Variants in PDPN observed in about 807,000 individuals in gnomAD.
PDPN encodes the protein PA2.26 antigen.
A neutral mutation model predicts 23.2 loss-of-function variants in PDPN; 12 were observed. The ratio of observed to expected loss-of-function variants is 0.52; its 90% CI spans 0.33 to 0.84. The LOEUF is 0.84. Ranked by LOEUF, PDPN falls within the 40% of genes least tolerant of loss-of-function variation. PDPN has a pLI of 0.02. For missense variants in PDPN, 199 were observed against 212.2 expected, an observed-to-expected ratio of 0.94 and a Z score of 0.39; for synonymous variants, 77 against 76.7, an observed-to-expected ratio of 1.00 and a Z score of -0.02.
intron 1 of PDPN, among the ~76,000 whole-genome samples, chr1:13,598,069 TG>T (rs1210921716): frequency 7.9e-5 from 12 of 151,984 alleles, no homozygotes; most frequent in African/African-American, 2.9e-4. Flanking sequence ...CAGGCTGGAG[TG>T]CGTGGCACTA....
intron 5 of PDPN, chr1:13,614,731 G>A: frequency 2.2e-6 from 1 of 452,060 alleles, no homozygotes; most frequent in South Asian, 1.6e-5. Context: ...AGGCTGCAGT[G>A]AGCTATGATT....
intron 1 of PDPN, among the ~76,000 whole-genome samples, chr1:13,587,325 C>T (rs1158113405): frequency 1.3e-5 from 2 of 152,192 alleles, no homozygotes; most frequent in Admixed American, 6.5e-5. Context: ...GAGAGAGGCA[C>T]ACCTCACATG....
chr1:13,607,284 A>G lies in PDPN; in HGVS notation c.179A>G (p.Tyr60Cys), dbSNP rs150621747. 2.3e-5 allele frequency: 37 copies of G among 1,614,032 alleles called. No individual in the cohort carries two copies. Among genetic ancestry groups the G allele is most frequent in the South Asian group, 1.1e-4 (10 of 91,086 alleles). Residue 60 changes from tyrosine to cysteine, a missense_variant, in exon 2 of 6, where the codon TAT becomes TGT. Transcript: ENST00000621990. ...ACTCCAGGAACCAGCGAAGACCGCT[A>G]TAAGTCTGGCTTGACAACTCTGGTC... ...VVTPGTSEDR[Y>C]KSGLTTLVAT...
chr1:13,590,920 A>G (rs887799838), intron 1 of PDPN, among the ~76,000 whole-genome samples: 2 of 152,068 alleles, frequency 1.3e-5, no homozygotes, highest in East Asian at 3.9e-4. Context: ...TGGTGACAAC[A>G]GAAAGCGAGA....
chr1:13,601,701 G>T (rs1003942179), intron 1 of PDPN, among the ~76,000 whole-genome samples: 2 of 152,214 alleles, frequency 1.3e-5, no homozygotes, highest in African/African-American at 4.8e-5. Context: ...ATGACAGCTG[G>T]TTTTGAAGCA....
chr1:13,593,910 A>G (rs567101075), intron 1 of PDPN, among the ~76,000 whole-genome samples: 9 of 152,362 alleles, frequency 5.9e-5, no homozygotes, highest in Middle Eastern at 3.4e-3. Context: ...AGTTTATTAC[A>G]GAGCTGTGAT....
intron 1 of PDPN, among the ~76,000 whole-genome samples, chr1:13,600,373 T>C (rs1403334419): frequency 1.4e-5 from 2 of 146,024 alleles, no homozygotes; most frequent in African/African-American, 2.5e-5. Context: ...ACTTAACTCT[T>C]TTTTTTTTTT....
Position 13,614,343 on chromosome 1 carries a change from CT to C in PDPN, c.416del (p.Leu139TyrfsTer2). Reference protein sequence around the residue: ...VTLVGIIVGVLLAIGFIGAII... With the variant: ...VTLVGIIVGVXLAIGFIGAII... The stretch of plus-strand genomic sequence containing the variant: ...CCCTGGTTGGAATCATAGTTGGGGT[CT>C]TACTAGCCATCGGCTTCATTGGTGC... On this transcript the variant is annotated frameshift_variant, in exon 5 of 6. Coordinates refer to ENST00000621990, the MANE Select transcript of PDPN (RefSeq NM_006474.5). LOFTEE classifies it high-confidence loss of function. 1 of 1,609,480 alleles carries C rather than the reference CT, an allele frequency of 6.2e-7. No homozygotes were observed.
chr1:13,599,011 C>CTT (rs35244657), intron 1 of PDPN, among the ~76,000 whole-genome samples: 1,359 of 127,028 alleles, frequency 0.011, 41 homozygotes, highest in African/African-American at 0.035. Flanking sequence ...GCCCCCCCTC[C>CTT]TTTTTTTTTT....
At chr1:13,603,840 A>G (rs929969943) in intron 1 of PDPN, among the ~76,000 whole-genome samples, 2 of 151,692 alleles carry the variant, frequency 1.3e-5, no homozygotes, top group African/African-American at 2.4e-5. Flanking sequence ...ACCCACCTCC[A>G]CCTCCCAAAG....
chr1:13,598,318 G>A (rs1422704801), intron 1 of PDPN, among the ~76,000 whole-genome samples: 3 of 151,944 alleles, frequency 2.0e-5, no homozygotes, highest in Admixed American at 6.6e-5. Context: ...TGCCTGTCCC[G>A]CATTTATTTC....
rs987700958 is a variant in PDPN, at chr1:13,616,868, A to G, written c.*957A>G. ...AGAGCCAGTTGTCCCCCATGCAGAA[A>G]GAAATCCTGTGTGAGCCTCTGGTAT... On this transcript the variant is annotated 3_prime_UTR_variant, in exon 6 of 6. Transcript: ENST00000621990. The G allele has an allele frequency of 1.3e-5, 2 of 152,256 alleles. No homozygotes were observed. Among genetic ancestry groups the G allele is most frequent in the Non-Finnish European group, 1.5e-5 (1 of 68,044 alleles). 9.4% of individuals were successfully genotyped at this position (152,256 alleles called of 1,614,324 possible). A position where few individuals can be genotyped will look rare whatever the true frequency, so the allele number is the denominator to read the frequency against.
chr1:13,607,521 T>C (rs1005237254), intron 2 of PDPN, among the ~76,000 whole-genome samples: 1 of 152,182 alleles, frequency 6.6e-6, no homozygotes, highest in Admixed American at 6.5e-5. Flanking sequence ...TGAAGCAAAA[T>C]GACTTAGAAA....
At position 13,612,862 on chromosome 1, in the gene PDPN, G is replaced by A. The variant is rs72633914; in HGVS notation, c.332-825G>A. Reference sequence around the variant, plus strand: ...TGCAAGCTGTGAACTAAGATTTTAGGGCAGGGCCTGATTGATGATTAACTT... The same window carrying A: ...TGCAAGCTGTGAACTAAGATTTTAGAGCAGGGCCTGATTGATGATTAACTT... On this transcript the variant is annotated intron_variant, in intron 3 of 5. Coordinates refer to ENST00000621990, the MANE Select transcript of PDPN (RefSeq NM_006474.5). Among the ~76,000 whole-genome samples the A allele has an allele frequency of 5.4e-3, 805 of 148,102 alleles. 4 individuals carry two copies. Among genetic ancestry groups the A allele is most frequent in the Non-Finnish European group, 9.3e-3 (622 of 67,010 alleles).
chr1:13,598,172 C>T (rs569776620), intron 1 of PDPN, among the ~76,000 whole-genome samples: 4 of 152,014 alleles, frequency 2.6e-5, no homozygotes, highest in Non-Finnish European at 4.4e-5. Context: ...CAAGCCACCA[C>T]GCCTGGCTAA....
intron 3 of PDPN, 119 bp from the exon 4 acceptor site, chr1:13,613,568 C>T: frequency 1.5e-6 from 1 of 656,476 alleles, no homozygotes; most frequent in Non-Finnish European, 2.7e-6. Context: ...ATTTAAGAAG[C>T]CATCCTCTTG....
intron 1 of PDPN, among the ~76,000 whole-genome samples, chr1:13,604,809 T>C (rs991404070): frequency 4.6e-4 from 70 of 152,330 alleles, no homozygotes; most frequent in Middle Eastern, 6.8e-3. Flanking sequence ...CCCATTGAGC[T>C]CAATAAATAC....
Position 13,584,097 on chromosome 1 carries a change from G to A in PDPN, c.64G>A (p.Gly22Arg), listed in dbSNP as rs890584138. ...GSASLWVLAE[G>R]ASTGQPEDDT... ...CGCGTCGCTCTGGGTCCTGGCAGAA[G>A]GAGGTAAGACCCAGCGCAAGTGGCT... The change falls in exon 1 of 6, where the codon GGA becomes AGA. Residue 22 changes from glycine to arginine, a missense_variant. Physicochemically the swap from Gly to Arg is moderately radical, Grantham distance 125. Transcript: ENST00000621990. The A allele has an allele frequency of 4.3e-6, 7 of 1,612,848 alleles. No individual in the cohort carries two copies. Among genetic ancestry groups the A allele is most frequent in the African/African-American group, 4.0e-5 (3 of 74,950 alleles).
At chr1:13,613,624 AGTT>A (rs1640990072) in intron 3 of PDPN, 60 bp from the exon 4 acceptor site, 1 of 818,734 alleles carries the variant, frequency 1.2e-6, no homozygotes. Flanking sequence ...ATCTTTTGCC[AGTT>A]GTTAAATTAT....
Sources: gnomAD v4.1 joint callset for allele counts (sites outside exome capture counted in the v4.1 genomes callset) on GRCh38, gnomAD v4.1.1 for gene constraint, MANE v1.5 for transcripts, NCBI Gene and HGNC (gene_info 2026-07-23, HGNC 2026-07-21) for gene names.